Variants in DLGAP2 observed in about 807,000 individuals in gnomAD.
DLGAP2 encodes the protein disks large-associated protein 2.
Under a neutral mutation model 100.3 loss-of-function variants are expected in DLGAP2, and 26 were observed. The observed-to-expected ratio is 0.26, with a 90% CI of 0.19 to 0.36. DLGAP2 has a LOEUF of 0.36. DLGAP2 is among the 10% of genes least tolerant of loss of function. The pLI, the probability that DLGAP2 is intolerant of heterozygous loss-of-function variation, is 1.00. For synonymous variants in DLGAP2, 886 were observed against 630.1 expected, an observed-to-expected ratio of 1.41 and a Z score of -6.08; for missense variants, 1,858 against 1,453.2, an observed-to-expected ratio of 1.28 and a Z score of -4.53.
chr8:1,423,460 C>T (rs974317177), intron 3 of DLGAP2, among the ~76,000 whole-genome samples: 6 of 152,220 alleles, frequency 3.9e-5, no homozygotes, highest in Non-Finnish European at 1.5e-5. Flanking sequence ...TGACCACTGC[C>T]CTGCCATCTC....
At position 1,611,194 on chromosome 8, in the gene DLGAP2, A is replaced by T. The variant is rs1796982387; in HGVS notation, c.1443-15546A>T. On this transcript the variant is annotated intron_variant, in intron 6 of 14. Coordinates refer to ENST00000637795, the MANE Select transcript of DLGAP2 (RefSeq NM_001346810.2). ...CACATCAAAAAGCTTATCCACCATG[A>T]TCAAGTGGGCTTCTTCCCTGGGATG... is the stretch of plus-strand genomic sequence containing the variant. Among the ~76,000 whole-genome samples the T allele has an allele frequency of 2.2e-5, 3 of 134,466 alleles. No homozygotes were observed. The South Asian group carries it at 7.6e-4, about 34-fold the overall frequency. 88.2% of individuals were successfully genotyped at this position (134,466 alleles called of 152,430 possible).
intron 6 of DLGAP2, among the ~76,000 whole-genome samples, chr8:1,590,229 A>T (rs1796250724): frequency 6.6e-6 from 1 of 152,126 alleles, no homozygotes; most frequent in African/African-American, 2.4e-5. Flanking sequence ...TTTCCAAGCG[A>T]GGTCATGTTC....
chr8:1,317,867 A>C (rs1464800047), intron 3 of DLGAP2, among the ~76,000 whole-genome samples: 1 of 143,418 alleles, frequency 7.0e-6, no homozygotes, highest in Non-Finnish European at 1.5e-5. Flanking sequence ...GCAGCTTTTA[A>C]AAATAGAGCG....
intron 1 of DLGAP2, among the ~76,000 whole-genome samples, chr8:903,792 G>A (rs1798315388): frequency 1.3e-5 from 2 of 152,214 alleles, no homozygotes; most frequent in African/African-American, 4.8e-5. Flanking sequence ...ATAGAGTCTT[G>A]GGGGAAACCA....
At chr8:1,344,032 C>T (rs546823510) in intron 3 of DLGAP2, among the ~76,000 whole-genome samples, 1 of 149,090 alleles carries the variant, frequency 6.7e-6, no homozygotes, top group East Asian at 2.0e-4. Context: ...GGTTCATTCA[C>T]AGAATAAACA....
chr8:1,198,875 C>G (rs1797810060), intron 2 of DLGAP2, among the ~76,000 whole-genome samples: 1 of 152,226 alleles, frequency 6.6e-6, no homozygotes, highest in African/African-American at 2.4e-5. Flanking sequence ...CACCCCCACG[C>G]CTGCCTATGC....
intron 3 of DLGAP2, among the ~76,000 whole-genome samples, chr8:1,291,767 G>GC (rs1160760036): frequency 6.6e-6 from 1 of 152,052 alleles, no homozygotes; most frequent in Non-Finnish European, 1.5e-5. Context: ...CCAACATTGA[G>GC]CCCCCGGGGG....
At chr8:1,096,362 G>C (rs1281613694) in intron 2 of DLGAP2, among the ~76,000 whole-genome samples, 1 of 152,240 alleles carries the variant, frequency 6.6e-6, no homozygotes. Context: ...GCATTCCGGG[G>C]CATGTTCATC....
At chr8:981,766 G>A (rs1800338246) in intron 2 of DLGAP2, among the ~76,000 whole-genome samples, 1 of 152,136 alleles carries the variant, frequency 6.6e-6, no homozygotes, top group African/African-American at 2.4e-5. Context: ...TAATTGGTTT[G>A]CTAATGTGTT....
intron 2 of DLGAP2, among the ~76,000 whole-genome samples, chr8:1,111,961 A>C (rs1804971282): frequency 6.6e-6 from 1 of 152,076 alleles, no homozygotes; most frequent in Non-Finnish European, 1.5e-5. Context: ...TTCTGCTTGT[A>C]ACTCTTTGAG....
At chr8:1,270,894 T>G (rs4445249) in intron 3 of DLGAP2, among the ~76,000 whole-genome samples, 2 of 152,014 alleles carry the variant, frequency 1.3e-5, no homozygotes, top group South Asian at 4.2e-4. Context: ...TAGATGTTCT[T>G]CGTAAATTTG....
intron 3 of DLGAP2, among the ~76,000 whole-genome samples, chr8:1,413,546 A>G (rs1292194488): frequency 6.6e-6 from 1 of 152,254 alleles, no homozygotes; most frequent in Non-Finnish European, 1.5e-5. Context: ...ATGGAAATGA[A>G]AAAATGTTTT....
intron 1 of DLGAP2, among the ~76,000 whole-genome samples, chr8:868,229 T>C (rs1054161121): frequency 6.6e-6 from 1 of 152,212 alleles, no homozygotes; most frequent in Non-Finnish European, 1.5e-5. Flanking sequence ...TTTTTGTCTG[T>C]CCTGTGGGGT....
chr8:1,697,048 A>C, intron 13 of DLGAP2, 99 bp from the exon 14 acceptor site: 2 of 1,285,448 alleles, frequency 1.6e-6, no homozygotes, highest in South Asian at 1.9e-5. Flanking sequence ...CTTCTCCCTA[A>C]TCCGCCTCTT....
In DLGAP2 at chr8:1,416,194, G is replaced by A. The variant is rs73670797; in HGVS notation, c.107-85172G>A. Among the ~76,000 whole-genome samples the A allele has an allele frequency of 2.0e-5, 3 of 152,266 alleles. No homozygotes were observed. The South Asian group carries it at 6.2e-4, about 32-fold the overall frequency. Reference sequence around the variant, plus strand: ...CCCATCCTGTCCCCAGACGATGCCTGGTTACCAGCGTCAATACAGAGTGGC... The same window carrying A: ...CCCATCCTGTCCCCAGACGATGCCTAGTTACCAGCGTCAATACAGAGTGGC... On this transcript the variant is annotated intron_variant, in intron 3 of 14. Transcript: ENST00000637795.
At chr8:1,415,336 C>G (rs1048181963) in intron 3 of DLGAP2, among the ~76,000 whole-genome samples, 7 of 152,016 alleles carry the variant, frequency 4.6e-5, no homozygotes, top group African/African-American at 1.7e-4. Context: ...ATTTTAGATC[C>G]GGGGGTACGT....
chr8:1,513,808 G>A (rs775836781), intron 4 of DLGAP2, among the ~76,000 whole-genome samples: 31 of 152,150 alleles, frequency 2.0e-4, no homozygotes, highest in Non-Finnish European at 3.5e-4. Flanking sequence ...CCATGGTCAC[G>A]TTCGTACAGT....
chr8:1,417,940 A>G (rs1475649948), intron 3 of DLGAP2, among the ~76,000 whole-genome samples: 1 of 152,026 alleles, frequency 6.6e-6, no homozygotes, highest in Non-Finnish European at 1.5e-5. Context: ...AATAGCTACC[A>G]CTGACATTCG....
intron 3 of DLGAP2, among the ~76,000 whole-genome samples, chr8:1,307,800 A>C (rs551538303): frequency 6.6e-6 from 1 of 152,156 alleles, no homozygotes; most frequent in Non-Finnish European, 1.5e-5. Flanking sequence ...CCCTCACATG[A>C]GGTACGAAAG....
Sources: gnomAD v4.1 joint callset for allele counts (sites outside exome capture counted in the v4.1 genomes callset) on GRCh38, gnomAD v4.1.1 for gene constraint, MANE v1.5 for transcripts, NCBI Gene and HGNC (gene_info 2026-07-23, HGNC 2026-07-21) for gene names.